Variants in MRRF observed in about 807,000 individuals in gnomAD.
The protein encoded by MRRF is ribosome-recycling factor, mitochondrial.
In MRRF, 18 loss-of-function variants were observed where a neutral mutation model predicts 25.1. The ratio of observed to expected loss-of-function variants is 0.72; its 90% CI spans 0.50 to 1.06. The LOEUF is 1.06. MRRF is among the 50% of genes least tolerant of loss of function. The pLI is 0.00. For missense variants in MRRF, 323 were observed against 319.3 expected, an observed-to-expected ratio of 1.01 and a Z score of -0.09; for synonymous variants, 113 against 112.1, an observed-to-expected ratio of 1.01 and a Z score of -0.05.
chr9:122,265,869 C>A, intron 1 of MRRF: 1 of 688,328 alleles, frequency 1.5e-6, no homozygotes, highest in Non-Finnish European at 2.3e-6. Flanking sequence ...TTTGGCCGTG[C>A]CAGGTGCATA....
At chr9:122,285,783 A>G (rs1395915686) in intron 4 of MRRF, 3 of 1,274,044 alleles carry the variant, frequency 2.4e-6, no homozygotes, top group East Asian at 5.6e-5. Context: ...TTTAAAGACT[A>G]TGAAGCAAAT....
intron 4 of MRRF, chr9:122,285,895 G>T: frequency 7.7e-7 from 1 of 1,295,104 alleles, no homozygotes; most frequent in Non-Finnish European, 1.0e-6. Flanking sequence ...TTTTATACTA[G>T]ACTGACCATT....
chr9:122,274,212 T>C (rs954625403), intron 2 of MRRF, among the ~76,000 whole-genome samples: 7 of 152,224 alleles, frequency 4.6e-5, no homozygotes, highest in African/African-American at 1.7e-4. Context: ...GTTATGTATG[T>C]GGAGAAATCA....
chr9:122,286,758 A>C (rs1833435957), intron 4 of MRRF, among the ~76,000 whole-genome samples: 1 of 152,180 alleles, frequency 6.6e-6, no homozygotes, highest in African/African-American at 2.4e-5. Context: ...AGATTTTGTC[A>C]GTTGTCATTC....
intron 6 of MRRF, among the ~76,000 whole-genome samples, chr9:122,321,268 A>G (rs370834372): frequency 1.3e-5 from 2 of 151,688 alleles, no homozygotes; most frequent in Non-Finnish European, 2.9e-5. Flanking sequence ...CTTTTCTTCA[A>G]TTCAAGGATA....
chr9:122,298,953 G>A (rs1316280597), intron 5 of MRRF, among the ~76,000 whole-genome samples: 1 of 152,084 alleles, frequency 6.6e-6, no homozygotes, highest in African/African-American at 2.4e-5. Flanking sequence ...ATTGAGGGAT[G>A]TACAAGAACA....
intron 6 of MRRF, among the ~76,000 whole-genome samples, chr9:122,319,661 T>C (rs1835756708): frequency 6.6e-6 from 1 of 152,162 alleles, no homozygotes; most frequent in Non-Finnish European, 1.5e-5. Context: ...TCATATGTTA[T>C]AGGGATTGTG....
Position 122,291,772 on chromosome 9 carries a change from T to A in MRRF, c.483T>A (p.Ala161=). 1 of 1,613,534 alleles carries A rather than the reference T, an allele frequency of 6.2e-7. No individual in the cohort carries two copies. ...AGTGTACAGCTGCAGCTATCAAGGCTATAAGAGAAAGTGGAATGAATCTGA... is the reference window on the plus strand; with the variant it reads ...AGTGTACAGCTGCAGCTATCAAGGCAATAAGAGAAAGTGGAATGAATCTGA... ...FPECTAAAIK[A]IRESGMNLNP... The change falls in exon 5 of 7, where the codon GCT becomes GCA. Residue 161 remains alanine, a synonymous_variant. Coordinates refer to ENST00000344641, the MANE Select transcript of MRRF (RefSeq NM_138777.5).
chr9:122,312,800 G>T (rs570205877), intron 5 of MRRF, among the ~76,000 whole-genome samples: 21 of 152,282 alleles, frequency 1.4e-4, no homozygotes, highest in Non-Finnish European at 2.2e-4. Context: ...TGTTATCAGT[G>T]CTCCAGCCAA....
intron 4 of MRRF, among the ~76,000 whole-genome samples, chr9:122,289,023 T>C (rs1056610080): frequency 6.6e-6 from 1 of 152,196 alleles, no homozygotes; most frequent in Non-Finnish European, 1.5e-5. Flanking sequence ...TCTATAGGAA[T>C]GTATGCCCCT....
At chr9:122,273,440 C>CA (rs566027952) in intron 2 of MRRF, among the ~76,000 whole-genome samples, 11,614 of 69,908 alleles carry the variant, frequency 0.17, 709 homozygotes, top group East Asian at 0.31. Flanking sequence ...GACCCTGTCT[C>CA]AAAAAAAAAA....
At chr9:122,265,527 G>A (rs186577136) in intron 1 of MRRF, 27 of 347,700 alleles carry the variant, frequency 7.8e-5, no homozygotes, top group Non-Finnish European at 1.1e-4. Context: ...CTGGAACCAA[G>A]ACTCGGAGTT....
rs1381407872 is a variant in MRRF, at chr9:122,328,637, T to G, written c.*6020T>G. 2.6e-5 allele frequency: 4 copies of G among 152,238 alleles called. No individual in the cohort carries two copies. The highest frequency in any genetic ancestry group is 5.9e-5 in the Non-Finnish European group (4 of 68,048). 9.4% of individuals were successfully genotyped at this position (152,238 alleles called of 1,614,324 possible). On this transcript the variant is annotated 3_prime_UTR_variant, in exon 7 of 7. Transcript: ENST00000344641. ...CTTTTAACAGACACTTAAATTCATT[T>G]ACATTTATTTATAATAGTGATATGT...
chr9:122,304,327 GT>G (rs1377054648), intron 5 of MRRF, among the ~76,000 whole-genome samples: 2 of 152,170 alleles, frequency 1.3e-5, no homozygotes, highest in African/African-American at 4.8e-5. Context: ...CCTTCATGCA[GT>G]TTTTGAACAC....
At chr9:122,295,628 T>C (rs1014659226) in intron 5 of MRRF, among the ~76,000 whole-genome samples, 1 of 152,126 alleles carries the variant, frequency 6.6e-6, no homozygotes, top group Non-Finnish European at 1.5e-5. Flanking sequence ...GTATTTTTAG[T>C]AGAGACGGGA....
intron 4 of MRRF, among the ~76,000 whole-genome samples, chr9:122,286,817 C>A (rs924881307): frequency 6.6e-6 from 1 of 152,184 alleles, no homozygotes; most frequent in Non-Finnish European, 1.5e-5. Context: ...AAGAAACAGT[C>A]CAAAATCCTC....
At chr9:122,274,580 A>C (rs2119058081) in intron 2 of MRRF, among the ~76,000 whole-genome samples, 1 of 115,204 alleles carries the variant, frequency 8.7e-6, no homozygotes, top group Non-Finnish European at 1.9e-5. Context: ...GTGTGTAGGT[A>C]GACTTTAAAT....
intron 5 of MRRF, among the ~76,000 whole-genome samples, chr9:122,312,712 C>G (rs1351004364): frequency 6.6e-6 from 1 of 152,226 alleles, no homozygotes; most frequent in Non-Finnish European, 1.5e-5. Context: ...TTTTCTTCAT[C>G]TGTAAAACGT....
At chr9:122,284,955 TA>T (rs569481751) in intron 3 of MRRF, among the ~76,000 whole-genome samples, 5 of 151,430 alleles carry the variant, frequency 3.3e-5, no homozygotes, top group African/African-American at 4.8e-5. Flanking sequence ...ACCTGCTAAT[TA>T]AAAAAAAATG....
Sources: gnomAD v4.1 joint callset for allele counts (sites outside exome capture counted in the v4.1 genomes callset) on GRCh38, gnomAD v4.1.1 for gene constraint, MANE v1.5 for transcripts, NCBI Gene and HGNC (gene_info 2026-07-23, HGNC 2026-07-21) for gene names.